CMC1: variants seen among roughly 807,000 people sequenced by gnomAD.
CMC1 encodes the protein C-X9-C motif containing 1.
In CMC1, 14 loss-of-function variants were observed where a neutral mutation model predicts 14.1. The ratio of observed to expected loss-of-function variants is 0.99; its 90% confidence interval spans 0.66 to 1.55. The LOEUF is 1.55. Among genes scored for constraint, CMC1 ranks in the 40% most tolerant of loss-of-function variants. CMC1 has a pLI of 0.00. For missense variants in CMC1, 127 were observed against 123.8 expected (o/e 1.03, Z -0.12); for synonymous variants, 50 against 38.4 (o/e 1.30, Z -1.12).
At chr3:28,299,673 G>T (rs73822574) in intron 2 of CMC1, among the ~76,000 whole-genome samples, 151 of 152,100 alleles carry the variant, frequency 9.9e-4, no homozygotes, top group African/African-American at 3.6e-3. Flanking sequence ...ATATTTTCTA[G>T]TTACTAATTT....
intron 3 of CMC1, 64 bp from the exon 4 acceptor site, chr3:28,319,445 G>A (rs976329826): frequency 7.9e-6 from 11 of 1,394,206 alleles, no homozygotes; most frequent in African/African-American, 5.8e-5. Context: ...AGTAATTAAA[G>A]TAAGCTTACA....
intron 2 of CMC1, among the ~76,000 whole-genome samples, chr3:28,291,528 C>G (rs1324429845): frequency 6.6e-6 from 1 of 152,114 alleles, no homozygotes; most frequent in Non-Finnish European, 1.5e-5. Flanking sequence ...TGTCATCTCA[C>G]TCTGTTTTAT....
intron 2 of CMC1, chr3:28,316,064 TCAAATC>T (rs368362265): frequency 6.0e-5 from 14 of 234,298 alleles, no homozygotes; most frequent in African/African-American, 2.9e-4. Flanking sequence ...CTCCCTCTTC[TCAAATC>T]ACATTTATTT....
rs1703215522 is a variant in CMC1, at chr3:28,322,474, G to A, written c.*2845G>A. The A allele has an allele frequency of 6.6e-6, 1 of 151,434 alleles. No homozygotes were observed. The highest frequency in any genetic ancestry group is 2.4e-5 in the African/African-American group (1 of 41,262). The allele number at this position is 151,434 out of a possible 1,614,324, so 9.4% of individuals were successfully genotyped here. A position where few individuals can be genotyped will look rare whatever the true frequency, so the allele number is the denominator to read the frequency against. On this transcript the variant is annotated 3_prime_UTR_variant, in exon 4 of 4. Coordinates refer to ENST00000466830, the MANE Select transcript of CMC1 (RefSeq NM_182523.2). ...TTACAAAGGAAAATTTCCAATTTTG[G>A]TTTTAAAAAAGGCAAACCAGTAAGC...
intron 2 of CMC1, among the ~76,000 whole-genome samples, chr3:28,266,385 A>G (rs537407520): frequency 6.6e-6 from 1 of 152,328 alleles, no homozygotes; most frequent in East Asian, 1.9e-4. Flanking sequence ...CGTAATACAA[A>G]AAAATTTTAG....
intron 2 of CMC1, among the ~76,000 whole-genome samples, chr3:28,299,556 A>G (rs1701916058): frequency 1.3e-5 from 2 of 152,138 alleles, no homozygotes; most frequent in South Asian, 4.1e-4. Flanking sequence ...TTCATTCTAT[A>G]CACAGACTAA....
intron 1 of CMC1, chr3:28,253,797 T>C (rs1699259188): frequency 9.1e-7 from 1 of 1,098,106 alleles, no homozygotes; most frequent in African/African-American, 1.6e-5. Context: ...TTTTAAAAAA[T>C]GGCATTACCT....
At chr3:28,308,791 T>C (rs536823014) in intron 2 of CMC1, among the ~76,000 whole-genome samples, 1 of 152,246 alleles carries the variant, frequency 6.6e-6, no homozygotes, top group Non-Finnish European at 1.5e-5. Context: ...GAGACCATCC[T>C]GGCCAACATG....
At chr3:28,280,312 G>A (rs1477771769) in intron 2 of CMC1, among the ~76,000 whole-genome samples, 2 of 152,106 alleles carry the variant, frequency 1.3e-5, no homozygotes, top group African/African-American at 4.8e-5. Context: ...TTAATATTCT[G>A]TAGTTTTCGG....
intron 2 of CMC1, among the ~76,000 whole-genome samples, chr3:28,309,576 T>C (rs1195389171): frequency 1.3e-5 from 2 of 152,148 alleles, no homozygotes; most frequent in East Asian, 3.9e-4. Flanking sequence ...CTGCTTTGTC[T>C]GCCACAGGTT....
rs1383521056 is a variant in CMC1 at position 28,274,211 on chromosome 3, TGTTTTTTTC to T, written c.109+10832_109+10840del. ...ATTGGTCTTTGTACTAAAGTGTTTT[TGTTTTTTTC>T]TTTTTTTTTTTTTTTGCAGTGGCTA... On this transcript the variant is annotated intron_variant, in intron 2 of 3. Coordinates refer to ENST00000466830, the MANE Select transcript of CMC1 (RefSeq NM_182523.2). Among the ~76,000 whole-genome samples, 13 of 129,834 alleles carry T rather than the reference TGTTTTTTTC, an allele frequency of 1.0e-4. 1 individual carries two copies. The highest frequency in any genetic ancestry group is 4.8e-4 in the East Asian group (2 of 4,134). The allele number at this position is 129,834 out of a possible 152,430, so 85.2% of individuals were successfully genotyped here.
At chr3:28,264,820 A>G (rs1266659243) in intron 2 of CMC1, among the ~76,000 whole-genome samples, 1 of 152,178 alleles carries the variant, frequency 6.6e-6, no homozygotes, top group Non-Finnish European at 1.5e-5. Context: ...AGTTACACAT[A>G]TAAGTTGTAT....
At chr3:28,307,984 C>T (rs1393084077) in intron 2 of CMC1, among the ~76,000 whole-genome samples, 1 of 152,176 alleles carries the variant, frequency 6.6e-6, no homozygotes, top group Admixed American at 6.5e-5. Context: ...ATCTCTCTGA[C>T]TCTGCTTCCA....
intron 2 of CMC1, among the ~76,000 whole-genome samples, chr3:28,297,911 G>T (rs1701825521): frequency 6.6e-6 from 1 of 151,492 alleles, no homozygotes; most frequent in African/African-American, 2.4e-5. Context: ...GTATTTATAT[G>T]TATATAATAT....
chr3:28,245,229 C>T (rs1280745811), intron 1 of CMC1, among the ~76,000 whole-genome samples: 1 of 151,838 alleles, frequency 6.6e-6, no homozygotes, highest in East Asian at 1.9e-4. Flanking sequence ...ACTGTGAACC[C>T]AGCGAAAAAA....
rs1257239019 is a variant in CMC1, at chr3:28,324,295, A to C, written c.*4666A>C. On this transcript the variant is annotated 3_prime_UTR_variant, in exon 4 of 4. Transcript: ENST00000466830. ...TTGGAGGATTGCTTTCTCTGATAAAACCTTTACATCTCCTGGTAAAGGGGA... is the reference window on the plus strand; with the variant it reads ...TTGGAGGATTGCTTTCTCTGATAAACCCTTTACATCTCCTGGTAAAGGGGA... The C allele has an allele frequency of 6.2e-7, 1 of 1,607,730 alleles. No individual in the cohort carries two copies. Among genetic ancestry groups the C allele is most frequent in the South Asian group, 1.1e-5 (1 of 90,704 alleles).
At position 28,285,687 on chromosome 3, in the gene CMC1, GA is replaced by G. The variant is rs543442261; in HGVS notation, c.109+22318del. On this transcript the variant is annotated intron_variant, in intron 2 of 3. Transcript: ENST00000466830. Reference sequence around the variant, plus strand: ...CCCTACATCTATACAAATAAAAAGTGAAAAAAAAAAACCCATGACTTTTGGA... The same window carrying G: ...CCCTACATCTATACAAATAAAAAGTGAAAAAAAAAACCCATGACTTTTGGA... Among the ~76,000 whole-genome samples, 1,264 of 136,856 alleles carry G rather than the reference GA, an allele frequency of 9.2e-3. 15 individuals are homozygous for G. Among genetic ancestry groups the G allele is most frequent in the African/African-American group, 0.025 (949 of 37,344 alleles). 89.8% of individuals were successfully genotyped at this position (136,856 alleles called of 152,430 possible). A position where few individuals can be genotyped will look rare whatever the true frequency, so the allele number is the denominator to read the frequency against.
rs920542205 is a variant in CMC1, at chr3:28,322,070, T to C, written c.*2441T>C. 5 of 151,316 alleles carry C rather than the reference T, an allele frequency of 3.3e-5. No homozygotes were observed. Among genetic ancestry groups the C allele is most frequent in the East Asian group, 1.9e-4 (1 of 5,164 alleles). 9.4% of individuals were successfully genotyped at this position (151,316 alleles called of 1,614,324 possible). On this transcript the variant is annotated 3_prime_UTR_variant, in exon 4 of 4. Coordinates refer to ENST00000466830, the MANE Select transcript of CMC1 (RefSeq NM_182523.2). ...TTGAATTTTACCTAGAACAGAGATA[T>C]CAAGTGTAGATTTAAAAGCTTCTAG...
intron 2 of CMC1, among the ~76,000 whole-genome samples, chr3:28,288,329 T>G (rs1184683697): frequency 6.6e-6 from 1 of 152,116 alleles, no homozygotes; most frequent in Non-Finnish European, 1.5e-5. Context: ...TGATATCAAA[T>G]AATTTAATAA....
Sources: gnomAD v4.1 joint callset for allele counts (sites outside exome capture counted in the v4.1 genomes callset) on GRCh38, gnomAD v4.1.1 for gene constraint, MANE v1.5 for transcripts, NCBI Gene and HGNC (gene_info 2026-07-23, HGNC 2026-07-21) for gene names.